Variants in CALD1 observed in about 807,000 individuals in gnomAD.
The protein encoded by CALD1 is caldesmon 1.
Under a neutral mutation model 99.9 loss-of-function variants are expected in CALD1, and 33 were observed. The observed-to-expected ratio is 0.33, with a 90% CI of 0.25 to 0.44. The LOEUF is 0.44. Among genes scored for constraint, CALD1 ranks in the 20% least tolerant of loss-of-function variants. The pLI, the probability that CALD1 is intolerant of heterozygous loss-of-function variation, is 1.00. For missense variants in CALD1, 861 were observed against 962.1 expected (o/e 0.89, Z 1.39); for synonymous variants, 310 against 325.0 (o/e 0.95, Z 0.50).
chr7:134,777,247 A>C (rs1796925621), upstream of CALD1, among the ~76,000 whole-genome samples: 1 of 152,200 alleles, frequency 6.6e-6, no homozygotes, highest in Non-Finnish European at 1.5e-5. Context: ...TACACACTAC[A>C]TGAAATTTGT....
Position 134,933,363 on chromosome 7 carries a change from A to G in CALD1, c.594A>G (p.Pro198=). The change falls in exon 5 of 15, where the codon CCA becomes CCG. Residue 198 remains proline (P), a synonymous_variant. Transcript: ENST00000361675. ...KEKEEEEEEK[P]KRGSIGENQV... ...AGGAGGAGGAGGAAGAGGAGAAGCC[A>G]AAGCGAGGGAGCATTGGAGAAAATC... 2 of 1,607,442 alleles carry G rather than the reference A, an allele frequency of 1.2e-6. No homozygotes were observed.
At chr7:134,944,883 AG>A in intron 7 of CALD1, among the ~76,000 whole-genome samples, 1 of 152,370 alleles carries the variant, frequency 6.6e-6, no homozygotes, top group Non-Finnish European at 1.5e-5. Context: ...ACTCTGTGTT[AG>A]TGAAAACTCT....
At chr7:134,868,262 T>C (rs1377535935) in intron 3 of CALD1, 1 of 157,316 alleles carries the variant, frequency 6.4e-6, no homozygotes, top group Admixed American at 6.2e-5. Flanking sequence ...ATTAGAAAAG[T>C]ATCCAACTCT....
At chr7:134,793,708 C>T (rs1014970350) in intron 1 of CALD1, among the ~76,000 whole-genome samples, 2 of 152,038 alleles carry the variant, frequency 1.3e-5, no homozygotes, top group Admixed American at 6.6e-5. Context: ...AATGCAGTCC[C>T]GAAGTGGGAC....
At chr7:134,729,573 T>C in the CALD1 span, among the ~76,000 whole-genome samples, 1 of 152,170 alleles carries the variant, frequency 6.6e-6, no homozygotes. Flanking sequence ...ACAAGGAAGA[T>C]TTGAAGGGCC....
chr7:134,756,959 A>T (rs777456470), intron 1 of CALD1, among the ~76,000 whole-genome samples: 5 of 152,124 alleles, frequency 3.3e-5, no homozygotes, highest in Admixed American at 6.5e-5. Flanking sequence ...ACCGCCACTT[A>T]CGCTCATTTT....
At chr7:134,777,694 G>A (rs545519050), upstream of CALD1, among the ~76,000 whole-genome samples, 26 of 152,232 alleles carry the variant, frequency 1.7e-4, no homozygotes, top group African/African-American at 6.3e-4. Flanking sequence ...ATACCACCTG[G>A]AGATCATGCA....
intron 1 of CALD1, among the ~76,000 whole-genome samples, chr7:134,833,052 T>C (rs1474688051): frequency 2.0e-5 from 3 of 152,260 alleles, no homozygotes; most frequent in African/African-American, 7.2e-5. Flanking sequence ...CTATTTAGCC[T>C]ATAACTGTGT....
At chr7:134,714,045 T>C in the CALD1 span, among the ~76,000 whole-genome samples, 1 of 152,038 alleles carries the variant, frequency 6.6e-6, no homozygotes, top group African/African-American at 2.4e-5. Flanking sequence ...TAAAAGTGTG[T>C]AGAACCTCCC....
In CALD1 at chr7:134,933,740, C is replaced by T; in HGVS notation, c.971C>T (p.Ala324Val). ...AGGATGAGGGAGGAAGAGAAAAGGG[C>T]AGCAGAGGAGAGGCAGAGGATAAAG... ...RERMREEEKR[A>V]AEERQRIKEE... Residue 324 changes from alanine (A) to valine (V), a missense_variant, in exon 5 of 15, where the codon GCA becomes GTA. Around this residue, in one of 5 missense-constraint regions of CALD1, gnomAD observed 234 missense variants for 233.1 expected, o/e 1.00. Coordinates refer to ENST00000361675, the MANE Select transcript of CALD1 (RefSeq NM_033138.4). 6.4e-7 allele frequency: 1 copy of T among 1,552,042 alleles called. No individual in the cohort carries two copies.
At chr7:134,814,370 C>T (rs528166981) in intron 1 of CALD1, among the ~76,000 whole-genome samples, 1 of 152,268 alleles carries the variant, frequency 6.6e-6, no homozygotes, top group Non-Finnish European at 1.5e-5. Flanking sequence ...ATGCATAGAG[C>T]CAGTTGGCTG....
chr7:134,898,994 T>C lies in CALD1; in HGVS notation c.72-29760T>C, dbSNP rs145024423. 2.8e-4 allele frequency among the ~76,000 whole-genome samples: 43 copies of C among 152,354 alleles called. No homozygotes were observed. The East Asian group carries it at 8.3e-3, about 29-fold the overall frequency. On this transcript the variant is annotated intron_variant, in intron 3 of 14. Transcript: ENST00000361675. ...ATTTATAAACACTAATTTCTACTGT[T>C]TTAAGACCACTTTTTATTAAAAGCA...
chr7:134,882,707 A>G (rs1028344316), intron 3 of CALD1, among the ~76,000 whole-genome samples: 2 of 152,244 alleles, frequency 1.3e-5, no homozygotes, highest in Non-Finnish European at 2.9e-5. Flanking sequence ...AATCTCTGGC[A>G]TGTATTTATC....
intron 6 of CALD1, among the ~76,000 whole-genome samples, chr7:134,938,478 T>C (rs562341798): frequency 6.6e-6 from 1 of 152,324 alleles, no homozygotes; most frequent in East Asian, 1.9e-4. Flanking sequence ...AGTATGCTAA[T>C]GTTATCTGTG....
chr7:134,842,813 C>T (rs1360447100), intron 1 of CALD1, among the ~76,000 whole-genome samples: 1 of 152,116 alleles, frequency 6.6e-6, no homozygotes, highest in Non-Finnish European at 1.5e-5. Flanking sequence ...GTTTTTCATG[C>T]TACTGAATGA....
chr7:134,828,347 A>C (rs1340024786), intron 1 of CALD1, among the ~76,000 whole-genome samples: 2 of 152,232 alleles, frequency 1.3e-5, no homozygotes, highest in African/African-American at 4.8e-5. Flanking sequence ...ATCCAAAAAG[A>C]ATTCGGAATC....
intron 2 of CALD1, among the ~76,000 whole-genome samples, chr7:134,866,065 T>C (rs1563054022): frequency 6.6e-6 from 1 of 152,198 alleles, no homozygotes; most frequent in African/African-American, 2.4e-5. Context: ...GCACCTGGCA[T>C]TCGAGTCCAG....
chr7:134,750,645 T>C (rs1018132695), intron 1 of CALD1, among the ~76,000 whole-genome samples: 1 of 152,214 alleles, frequency 6.6e-6, no homozygotes, highest in Admixed American at 6.5e-5. Context: ...TTCTGAAAAG[T>C]CAAGAGCATA....
chr7:134,919,579 A>G (rs987246681), intron 3 of CALD1, among the ~76,000 whole-genome samples: 2 of 152,232 alleles, frequency 1.3e-5, no homozygotes, highest in African/African-American at 4.8e-5. Flanking sequence ...TTGAGAGCCC[A>G]AGTATGGTTG....
Sources: allele counts gnomAD v4.1 joint callset (sites outside exome capture counted in the v4.1 genomes callset), GRCh38; gene constraint gnomAD v4.1.1; regional missense constraint gnomAD v4.1.1; transcripts MANE v1.5; gene names NCBI Gene and HGNC (gene_info 2026-07-23, HGNC 2026-07-21).